Variants in RGS6 observed in about 807,000 individuals in gnomAD.
RGS6 encodes the protein regulator of G protein signaling 6.
A neutral mutation model predicts 78.5 loss-of-function variants in RGS6; 30 were observed. That is an observed-to-expected ratio of 0.38 (90% confidence interval 0.29 to 0.52). The LOEUF is 0.52. RGS6 is among the 20% of genes least tolerant of loss of function. RGS6 has a pLI of 0.85. For synonymous variants in RGS6, 206 were observed against 206.0 expected (o/e 1.00, Z 0.00); for missense variants, 495 against 609.7 (o/e 0.81, Z 1.98).
chr14:72,262,510 A>G (rs1421584621), intron 2 of RGS6, among the ~76,000 whole-genome samples: 1 of 152,152 alleles, frequency 6.6e-6, no homozygotes, highest in Non-Finnish European at 1.5e-5. Flanking sequence ...GACCATAGTT[A>G]ACTTCCCTAA....
chr14:72,042,033 A>C (rs2092448780), intron 2 of RGS6, among the ~76,000 whole-genome samples: 1 of 152,150 alleles, frequency 6.6e-6, no homozygotes, highest in African/African-American at 2.4e-5. Flanking sequence ...TGAAACTTTA[A>C]AATCTGAAGG....
chr14:72,052,601 A>G (rs527488755), intron 2 of RGS6, among the ~76,000 whole-genome samples: 72 of 152,312 alleles, frequency 4.7e-4, no homozygotes, highest in African/African-American at 9.4e-4. Context: ...GTCTTAATCT[A>G]TAGTAAGACC....
At chr14:72,366,246 T>G (rs759901711) in intron 3 of RGS6, among the ~76,000 whole-genome samples, 7 of 152,124 alleles carry the variant, frequency 4.6e-5, no homozygotes, top group Admixed American at 1.3e-4. Flanking sequence ...TCACAGGTAT[T>G]GCTGGGATGA....
chr14:72,256,776 C>T (rs575116425), intron 2 of RGS6, among the ~76,000 whole-genome samples: 81 of 152,272 alleles, frequency 5.3e-4, no homozygotes, highest in African/African-American at 1.8e-3. Context: ...TGCTGACTAG[C>T]TTTCTGTCAT....
At chr14:72,234,945 T>C (rs1480752684) in intron 2 of RGS6, among the ~76,000 whole-genome samples, 2 of 152,212 alleles carry the variant, frequency 1.3e-5, no homozygotes, top group Non-Finnish European at 2.9e-5. Context: ...AGGCACCATA[T>C]TGTCAGCCTG....
At chr14:72,536,010 G>A (rs1490276481) in intron 15 of RGS6, among the ~76,000 whole-genome samples, 176 bp from the exon 16 acceptor site, 1 of 152,166 alleles carries the variant, frequency 6.6e-6, no homozygotes, top group African/African-American at 2.4e-5. Flanking sequence ...GTTTTGTTTG[G>A]TGCTGCTGAG....
intron 2 of RGS6, among the ~76,000 whole-genome samples, chr14:72,195,819 G>A (rs997893179): frequency 6.6e-6 from 1 of 152,250 alleles, no homozygotes; most frequent in Non-Finnish European, 1.5e-5. Flanking sequence ...AGCCCTTTGC[G>A]TTTGCCAGTG....
the RGS6 span, among the ~76,000 whole-genome samples, chr14:71,899,288 C>T: frequency 2.6e-5 from 4 of 152,200 alleles, no homozygotes; most frequent in Admixed American, 6.5e-5. Flanking sequence ...GCCTTTGCCA[C>T]GAAAATTCTT....
chr14:72,152,329 G>A (rs1304380400), intron 2 of RGS6, among the ~76,000 whole-genome samples: 3 of 151,962 alleles, frequency 2.0e-5, no homozygotes, highest in Non-Finnish European at 4.4e-5. Flanking sequence ...GTTATAAGGA[G>A]ATAAATTTCA....
At chr14:72,250,559 T>A (rs2055482828) in intron 2 of RGS6, among the ~76,000 whole-genome samples, 1 of 152,154 alleles carries the variant, frequency 6.6e-6, no homozygotes, top group East Asian at 1.9e-4. Flanking sequence ...GCCTGTCTCA[T>A]TTATTTGGCC....
the RGS6 span, among the ~76,000 whole-genome samples, chr14:72,577,380 T>C: frequency 6.6e-6 from 1 of 152,314 alleles, no homozygotes; most frequent in South Asian, 2.1e-4. Context: ...CGTTTAAACA[T>C]AGCCAGGGTT....
At chr14:71,969,996 GT>G (rs1327661302) in intron 2 of RGS6, among the ~76,000 whole-genome samples, 1 of 152,134 alleles carries the variant, frequency 6.6e-6, no homozygotes, top group African/African-American at 2.4e-5. Flanking sequence ...ATAAAGCCCA[GT>G]TAAGTCAGGC....
chr14:72,446,130 T>A (rs1282348128), intron 3 of RGS6, among the ~76,000 whole-genome samples: 1 of 152,162 alleles, frequency 6.6e-6, no homozygotes, highest in Non-Finnish European at 1.5e-5. Context: ...TGGTGGTACA[T>A]GCCTGTGGTC....
chr14:72,555,865 C>CTGTT lies in RGS6; in HGVS notation c.1423-6547_1423-6544dup, dbSNP rs141837647. On this transcript the variant is annotated intron_variant, in intron 17 of 17. Coordinates refer to ENST00000553525, the MANE Select transcript of RGS6 (RefSeq NM_001204424.2). ...TGCTCAATGGTCCATCAGCAGGTGG[C>CTGTT]TGTTTGTTAGTAACTGTCCTCACAG... Among the ~76,000 whole-genome samples, 1,053 of 152,318 alleles carry CTGTT rather than the reference C, an allele frequency of 6.9e-3. 12 individuals are homozygous for CTGTT. Among genetic ancestry groups the CTGTT allele is most frequent in the African/African-American group, 0.023 (957 of 41,560 alleles).
the RGS6 span, among the ~76,000 whole-genome samples, chr14:71,891,970 A>T: frequency 6.6e-6 from 1 of 152,056 alleles, no homozygotes; most frequent in Non-Finnish European, 1.5e-5. Flanking sequence ...AATGTCTGTC[A>T]TGAAATGTTA....
intron 2 of RGS6, among the ~76,000 whole-genome samples, chr14:72,210,912 T>G (rs1460808102): frequency 1.3e-5 from 2 of 152,226 alleles, no homozygotes; most frequent in Non-Finnish European, 2.9e-5. Flanking sequence ...TTTGTCTGTA[T>G]GTATCCATAC....
chr14:72,011,540 G>C (rs574579594), intron 2 of RGS6, among the ~76,000 whole-genome samples: 1 of 151,552 alleles, frequency 6.6e-6, no homozygotes, highest in African/African-American at 2.4e-5. Context: ...CAGGAGATTG[G>C]AAGGAATTCA....
Position 71,939,627 on chromosome 14 carries a change from A to C in RGS6, c.-21+6686A>C, listed in dbSNP as rs537102147. On this transcript the variant is annotated intron_variant, in intron 1 of 17. Coordinates refer to ENST00000553525, the MANE Select transcript of RGS6 (RefSeq NM_001204424.2). The stretch of plus-strand genomic sequence containing the variant: ...TTTGCCAAGTCAATGGCTGCATACC[A>C]AGTACTAGGAGATGTGTTAATTTGC... Among the ~76,000 whole-genome samples the C allele has an allele frequency of 3.9e-5, 6 of 152,368 alleles. 1 individual carries two copies. The highest frequency in any genetic ancestry group is 2.6e-4 in the Admixed American group (4 of 15,310).
chr14:72,607,817 C>T, the RGS6 span, among the ~76,000 whole-genome samples: 1 of 152,232 alleles, frequency 6.6e-6, no homozygotes, highest in Admixed American at 6.5e-5. Flanking sequence ...ATCTCTCCCA[C>T]TGCAGAGATG....
Sources: allele counts gnomAD v4.1 joint callset (sites outside exome capture counted in the v4.1 genomes callset), GRCh38; gene constraint gnomAD v4.1.1; transcripts MANE v1.5; gene names NCBI Gene and HGNC (gene_info 2026-07-23, HGNC 2026-07-21).